Variants in CSGALNACT1 observed in about 807,000 individuals in gnomAD.
CSGALNACT1 encodes chondroitin sulfate N-acetylgalactosaminyltransferase 1.
A neutral mutation model predicts 51.0 loss-of-function variants in CSGALNACT1; 52 were observed. That is an observed-to-expected ratio of 1.02 (90% CI 0.82 to 1.29). The LOEUF is 1.29. CSGALNACT1 is among the 50% of genes most tolerant of loss of function. The pLI is 0.00. For synonymous variants in CSGALNACT1, 341 were observed against 254.4 expected (o/e 1.34, Z -3.24); for missense variants, 935 against 679.2 (o/e 1.38, Z -4.19).
intron 7 of CSGALNACT1, 122 bp from the exon 7 acceptor site, chr8:19,418,872 G>A (rs996190276): frequency 2.8e-6 from 2 of 724,056 alleles, no homozygotes; most frequent in Non-Finnish European, 5.0e-6. Flanking sequence ...TCTTTGAGAG[G>A]CAGTCTCACT....
chr8:19,641,791 T>G (rs1341688951), intron 1 of CSGALNACT1: 2 of 152,332 alleles, frequency 1.3e-5, no homozygotes, highest in South Asian at 2.1e-4. Context: ...AATTACCAGG[T>G]GACCCCCAAA....
chr8:19,465,935 T>C (rs1312843546), intron 4 of CSGALNACT1, among the ~76,000 whole-genome samples: 1 of 152,180 alleles, frequency 6.6e-6, no homozygotes, highest in Non-Finnish European at 1.5e-5. Context: ...ATCCAGATCA[T>C]GAAAAGAGCA....
chr8:19,499,485 C>T (rs956418025), intron 4 of CSGALNACT1, among the ~76,000 whole-genome samples: 25 of 152,154 alleles, frequency 1.6e-4, no homozygotes, highest in African/African-American at 3.4e-4. Context: ...AAACAAATAA[C>T]GTTTTTTTCC....
intron 3 of CSGALNACT1, among the ~76,000 whole-genome samples, chr8:19,547,347 T>A (rs557517134): frequency 6.6e-6 from 1 of 152,342 alleles, no homozygotes; most frequent in South Asian, 2.1e-4. Context: ...TGACATGGCT[T>A]GGCTGTGTCC....
chr8:19,408,468 CTTTTTTTTTTTTTTTTT>C (rs1186216767), intron 9 of CSGALNACT1, 128 bp downstream of exon 8: 13 of 469,678 alleles, frequency 2.8e-5, no homozygotes, highest in Admixed American at 1.7e-4. Flanking sequence ...TCTGGAATAG[CTTTTTTTTTTTTTTTTT>C]TTTTTTTTTT....
intron 3 of CSGALNACT1, among the ~76,000 whole-genome samples, chr8:19,532,365 G>T (rs1668603242): frequency 6.6e-6 from 1 of 152,104 alleles, no homozygotes; most frequent in Non-Finnish European, 1.5e-5. Flanking sequence ...AGGGGTGACT[G>T]GGGATGAGGA....
At chr8:19,578,444 C>A (rs150591340) in intron 3 of CSGALNACT1, among the ~76,000 whole-genome samples, 1 of 152,122 alleles carries the variant, frequency 6.6e-6, no homozygotes, top group Non-Finnish European at 1.5e-5. Context: ...GCCTCTCTTG[C>A]GTGTGGAGTG....
chr8:19,566,697 C>T (rs1300947011), intron 3 of CSGALNACT1, among the ~76,000 whole-genome samples: 1 of 152,136 alleles, frequency 6.6e-6, no homozygotes, highest in African/African-American at 2.4e-5. Context: ...GGATTTGAAG[C>T]CCCTTGCTTG....
chr8:19,686,833 C>T (rs190604950), upstream of CSGALNACT1, among the ~76,000 whole-genome samples: 20 of 152,256 alleles, frequency 1.3e-4, no homozygotes, highest in Admixed American at 1.3e-4. Flanking sequence ...TAACAGGTGA[C>T]GTCACAGAGT....
In CSGALNACT1 at chr8:19,741,511, C is replaced by T. The variant is rs190950284; in HGVS notation, c.-297+16339G>A. 5.0e-3 allele frequency among the ~76,000 whole-genome samples: 707 copies of T among 142,012 alleles called. 3 individuals are homozygous for T. Among genetic ancestry groups the T allele is most frequent in the African/African-American group, 0.018 (687 of 38,114 alleles). The allele number at this position is 142,012 out of a possible 152,430, so 93.2% of individuals were successfully genotyped here. ...CCGGGAAGCGGAGGTTGCAGTGAGCCGAGATTGCACCACTGAATTCCAGCC... is the reference window on the plus strand; with the variant it reads ...CCGGGAAGCGGAGGTTGCAGTGAGCTGAGATTGCACCACTGAATTCCAGCC... On this transcript the variant is annotated intron_variant, in intron 1 of 1. Coordinates refer to the CSGALNACT1 transcript ENST00000517494.
intron 1 of CSGALNACT1, among the ~76,000 whole-genome samples, chr8:19,652,242 T>C (rs905789628): frequency 3.9e-5 from 6 of 152,198 alleles, no homozygotes; most frequent in Admixed American, 2.6e-4. Flanking sequence ...TGAGCCACCA[T>C]ATCAGGCCTG....
At chr8:19,405,665 A>T in exon 10 of CSGALNACT1, 1 of 1,319,070 alleles carries the variant, frequency 7.6e-7, no homozygotes, top group Non-Finnish European at 1.1e-6. Context: ...CTCATCTCTG[A>T]CCCATCAGTC....
chr8:19,693,440 C>T (rs529758600), intron 1 of CSGALNACT1, among the ~76,000 whole-genome samples: 2 of 152,192 alleles, frequency 1.3e-5, no homozygotes, highest in Admixed American at 6.5e-5. Context: ...TTTATCACCC[C>T]TATTTGGCTT....
intron 4 of CSGALNACT1, among the ~76,000 whole-genome samples, chr8:19,467,610 G>A (rs2067009192): frequency 6.6e-6 from 1 of 152,046 alleles, no homozygotes; most frequent in Non-Finnish European, 1.5e-5. Flanking sequence ...GAGTTCAAAT[G>A]CAAATGACCT....
At chr8:19,565,252 C>T (rs2041663319) in intron 3 of CSGALNACT1, among the ~76,000 whole-genome samples, 1 of 152,102 alleles carries the variant, frequency 6.6e-6, no homozygotes, top group Non-Finnish European at 1.5e-5. Flanking sequence ...AGTCAAAAAA[C>T]ACCATAGAAA....
chr8:19,460,409 T>C (rs886137624), intron 4 of CSGALNACT1, among the ~76,000 whole-genome samples: 1 of 152,228 alleles, frequency 6.6e-6, no homozygotes, highest in African/African-American at 2.4e-5. Context: ...TATGTATGTA[T>C]GGGGAAAAAC....
At chr8:19,417,405 C>T (rs1391083454) in intron 8 of CSGALNACT1, among the ~76,000 whole-genome samples, 1 of 152,134 alleles carries the variant, frequency 6.6e-6, no homozygotes, top group Non-Finnish European at 1.5e-5. Context: ...TATCAGTTGC[C>T]AGAGGTTAAC....
intron 3 of CSGALNACT1, among the ~76,000 whole-genome samples, chr8:19,523,393 G>A (rs537416542): frequency 2.0e-5 from 3 of 152,112 alleles, no homozygotes; most frequent in Non-Finnish European, 4.4e-5. Flanking sequence ...GCCTCTGGAG[G>A]AGCAGGGACT....
At chr8:19,545,381 G>A (rs1289716482) in intron 3 of CSGALNACT1, among the ~76,000 whole-genome samples, 1 of 152,170 alleles carries the variant, frequency 6.6e-6, no homozygotes, top group Non-Finnish European at 1.5e-5. Flanking sequence ...CGAAAAATGA[G>A]ATGGGGAAAA....
Sources: allele counts gnomAD v4.1 joint callset (sites outside exome capture counted in the v4.1 genomes callset), GRCh38; gene constraint gnomAD v4.1.1; transcripts MANE v1.5; gene names NCBI Gene and HGNC (gene_info 2026-07-23, HGNC 2026-07-21).